DPP10: variants seen among roughly 807,000 people sequenced by gnomAD.
DPP10 encodes dipeptidyl peptidase like 10, also known as inactive dipeptidyl peptidase 10.
A neutral mutation model predicts 120.9 loss-of-function variants in DPP10; 33 were observed. The observed-to-expected ratio is 0.27, with a 90% CI of 0.21 to 0.37. DPP10 has a LOEUF of 0.37. DPP10 is among the 10% of genes least tolerant of loss of function. DPP10 has a pLI of 1.00. For missense variants in DPP10, 816 were observed against 942.8 expected (o/e 0.87, Z 1.76); for synonymous variants, 337 against 326.1 (o/e 1.03, Z -0.36).
intron 1 of DPP10, among the ~76,000 whole-genome samples, chr2:115,136,491 T>G (rs1253941350): frequency 6.6e-6 from 1 of 152,194 alleles, no homozygotes; most frequent in East Asian, 1.9e-4. Flanking sequence ...TTATTCTTCT[T>G]GAAAGCTCAT....
intron 13 of DPP10, among the ~76,000 whole-genome samples, chr2:115,773,344 A>T (rs937182888): frequency 1.2e-4 from 19 of 152,128 alleles, no homozygotes; most frequent in African/African-American, 4.6e-4. Context: ...CGCATTATAA[A>T]ACCAATATTT....
At chr2:115,790,948 C>G in intron 17 of DPP10, 133 bp from the exon 18 acceptor site, 1 of 546,076 alleles carries the variant, frequency 1.8e-6, no homozygotes, top group Non-Finnish European at 3.2e-6. Flanking sequence ...TGTAGTAATT[C>G]AAAAGAGAAA....
At chr2:115,483,106 A>T in intron 3 of DPP10, among the ~76,000 whole-genome samples, 1 of 152,106 alleles carries the variant, frequency 6.6e-6, no homozygotes, top group East Asian at 1.9e-4. Flanking sequence ...GATGAAATGT[A>T]GGTAGGGTGG....
chr2:115,488,697 AGGAAG>A (rs1426157692), intron 3 of DPP10, among the ~76,000 whole-genome samples: 1 of 120,900 alleles, frequency 8.3e-6, no homozygotes, highest in Non-Finnish European at 1.7e-5. Context: ...ACATGGACAC[AGGAAG>A]GGGAATATCA....
chr2:114,746,285 G>A (rs1198956010), intron 1 of DPP10, among the ~76,000 whole-genome samples: 1 of 152,070 alleles, frequency 6.6e-6, no homozygotes, highest in African/African-American at 2.4e-5. Flanking sequence ...CTCAATAGAT[G>A]TCCCAGTGGT....
At chr2:115,238,313 A>G (rs896532746) in intron 1 of DPP10, among the ~76,000 whole-genome samples, 4 of 152,204 alleles carry the variant, frequency 2.6e-5, no homozygotes, top group Non-Finnish European at 4.4e-5. Context: ...TAAGCCCACG[A>G]TTGAAACCTA....
At chr2:114,583,317 C>T (rs150545369) in intron 1 of DPP10, among the ~76,000 whole-genome samples, 283 of 152,274 alleles carry the variant, frequency 1.9e-3, no homozygotes, top group African/African-American at 6.4e-3. Flanking sequence ...GCCTAGTGGT[C>T]TTCAGAAATG....
At chr2:114,862,895 C>CAAA (rs759224817) in intron 1 of DPP10, among the ~76,000 whole-genome samples, 2 of 39,460 alleles carry the variant, frequency 5.1e-5, no homozygotes, top group Non-Finnish European at 1.0e-4. Context: ...ATTTTAGGAC[C>CAAA]AAAAAAAAAA....
At chr2:114,943,035 G>T (rs1035782784) in intron 1 of DPP10, among the ~76,000 whole-genome samples, 3 of 152,056 alleles carry the variant, frequency 2.0e-5, no homozygotes, top group African/African-American at 7.2e-5. Flanking sequence ...TTCTCCTAAT[G>T]CTATCCCTCC....
rs1389171221 is a variant in DPP10, at chr2:115,791,168, T to C, written c.1619T>C (p.Ile540Thr). 5.0e-6 allele frequency: 8 copies of C among 1,613,282 alleles called. No homozygotes were observed. The highest frequency in any genetic ancestry group is 6.8e-6 in the Non-Finnish European group (8 of 1,179,658). The change falls in exon 18 of 26, where the codon ATT becomes ACT. Residue 540 changes from isoleucine to threonine, a missense_variant. Around this residue, in one of 3 missense-constraint regions of DPP10, gnomAD observed 592 missense variants for 649.0 expected, o/e 0.91. Coordinates refer to ENST00000410059, the MANE Select transcript of DPP10 (RefSeq NM_020868.6). ...IGKPEIKILH[I>T]DDYELPLQLS... Reference sequence around the variant, plus strand: ...AAGCCAGAAATTAAAATCCTTCATATTGACGACTATGGTAAAATTTTGTGC... The same window carrying C: ...AAGCCAGAAATTAAAATCCTTCATACTGACGACTATGGTAAAATTTTGTGC...
At chr2:114,778,143 G>T (rs1681928597) in intron 1 of DPP10, among the ~76,000 whole-genome samples, 1 of 152,020 alleles carries the variant, frequency 6.6e-6, no homozygotes, top group Non-Finnish European at 1.5e-5. Flanking sequence ...ATAGGTATTA[G>T]CATCATCATT....
At chr2:114,943,334 T>C (rs1697106677) in intron 1 of DPP10, among the ~76,000 whole-genome samples, 2 of 152,048 alleles carry the variant, frequency 1.3e-5, no homozygotes, top group South Asian at 4.2e-4. Context: ...AGTGCAATGG[T>C]GCTATCTCTG....
intron 1 of DPP10, among the ~76,000 whole-genome samples, chr2:115,085,822 A>C (rs1708645969): frequency 6.6e-6 from 1 of 152,244 alleles, no homozygotes; most frequent in African/African-American, 2.4e-5. Context: ...TATATTGTAC[A>C]CACATCACAT....
chr2:114,521,160 A>AAT (rs1685014305), intron 1 of DPP10, among the ~76,000 whole-genome samples: 1 of 152,120 alleles, frequency 6.6e-6, no homozygotes, highest in Non-Finnish European at 1.5e-5. Flanking sequence ...AAGTAAAATG[A>AAT]GTGTAAGCTA....
At chr2:115,788,311 G>A (rs896373774) in intron 17 of DPP10, among the ~76,000 whole-genome samples, 11 of 152,004 alleles carry the variant, frequency 7.2e-5, no homozygotes, top group Admixed American at 7.2e-4. Context: ...AAAAGAAAAG[G>A]TTTAAAATCG....
intron 4 of DPP10, among the ~76,000 whole-genome samples, chr2:115,516,340 C>T (rs1463130146): frequency 1.3e-5 from 2 of 152,076 alleles, no homozygotes; most frequent in African/African-American, 4.8e-5. Flanking sequence ...GCAGAAAGTG[C>T]CACCAGGGAT....
chr2:114,680,544 T>C (rs1698961194), intron 1 of DPP10, among the ~76,000 whole-genome samples: 1 of 152,000 alleles, frequency 6.6e-6, no homozygotes, highest in Admixed American at 6.6e-5. Flanking sequence ...ATTGTGCATC[T>C]CTTCACTCTG....
intron 1 of DPP10, among the ~76,000 whole-genome samples, chr2:114,966,497 C>T (rs371693689): frequency 6.6e-6 from 1 of 152,164 alleles, no homozygotes; most frequent in African/African-American, 2.4e-5. Context: ...CTTCCTCTTT[C>T]TCCAATATGT....
chr2:114,487,259 T>C (rs1681595345), intron 1 of DPP10, among the ~76,000 whole-genome samples: 1 of 152,214 alleles, frequency 6.6e-6, no homozygotes, highest in South Asian at 2.1e-4. Flanking sequence ...ATTTGTTTAA[T>C]ACCTTTGCAT....
Sources: gnomAD v4.1 joint callset for allele counts (sites outside exome capture counted in the v4.1 genomes callset) on GRCh38, gnomAD v4.1.1 for gene constraint, gnomAD v4.1.1 regional missense constraint, MANE v1.5 for transcripts, NCBI Gene and HGNC (gene_info 2026-07-23, HGNC 2026-07-21) for gene names.